CACNA1C: variants seen among roughly 807,000 people sequenced by gnomAD.
The protein encoded by CACNA1C is calcium voltage-gated channel subunit alpha1 C, also known as voltage-dependent L-type calcium channel subunit alpha-1C.
In CACNA1C, 30 loss-of-function variants were observed where a neutral mutation model predicts 229.0. That is an observed-to-expected ratio of 0.13 (90% CI 0.10 to 0.18). The LOEUF is 0.18. Among genes scored for constraint, CACNA1C ranks in the 10% least tolerant of loss-of-function variants. CACNA1C has a pLI of 1.00. For synonymous variants in CACNA1C, 1,114 were observed against 1,132.5 expected, an observed-to-expected ratio of 0.98 and a Z score of 0.33; for missense variants, 1,658 against 2,845.0, an observed-to-expected ratio of 0.58 and a Z score of 9.49.
chr12:2,581,553 G>A, intron 13 of CACNA1C, 37 bp from the exon 14 acceptor site: 2 of 1,516,840 alleles, frequency 1.3e-6, no homozygotes, highest in Non-Finnish European at 1.8e-6. Flanking sequence ...AGGACAGCAA[G>A]GGGCAGAGTG....
chr12:2,495,690 T>C (rs1013396256), intron 7 of CACNA1C, among the ~76,000 whole-genome samples: 8 of 152,206 alleles, frequency 5.3e-5, no homozygotes, highest in African/African-American at 1.9e-4. Flanking sequence ...AGGCTGGGAA[T>C]GGAAACAGTG....
rs996469371 is a variant in CACNA1C, at chr12:2,215,172, G to A, written c.477+94742G>A. Among the ~76,000 whole-genome samples, 4 of 152,236 alleles carry A rather than the reference G, an allele frequency of 2.6e-5. No individual in the cohort carries two copies. Among genetic ancestry groups the A allele is most frequent in the African/African-American group, 9.6e-5 (4 of 41,464 alleles). ...GTTCCCTGGTCACTGAGACATCAGA[G>A]ACATGTCAATCTGAGTCCCTTTGCT... On this transcript the variant is annotated intron_variant, in intron 3 of 46. Transcript: ENST00000399655. The surrounding 1 kb of genome is among the most constrained non-coding windows in gnomAD (Gnocchi z 5.0).
intron 3 of CACNA1C, among the ~76,000 whole-genome samples, chr12:2,251,895 A>G (rs557314877): frequency 6.6e-6 from 1 of 152,314 alleles, no homozygotes; most frequent in East Asian, 1.9e-4. Context: ...CGGTTTCTGC[A>G]TCTGTTAAGA....
chr12:2,058,964 A>G (rs2056373251), intron 1 of CACNA1C, among the ~76,000 whole-genome samples: 1 of 151,180 alleles, frequency 6.6e-6, no homozygotes, highest in Non-Finnish European at 1.5e-5. Context: ...TGGAGCAGGT[A>G]GACAGACCCT....
Position 2,691,375 on chromosome 12 carries a change from G to C in CACNA1C, c.*176G>C. 1.6e-6 allele frequency: 1 copy of C among 624,122 alleles called. No individual in the cohort carries two copies. The highest frequency in any genetic ancestry group is 4.9e-4 in the Middle Eastern group (1 of 2,060). The allele number at this position is 624,122 out of a possible 1,614,324, so 38.7% of individuals were successfully genotyped here. A position where few individuals can be genotyped will look rare whatever the true frequency, so the allele number is the denominator to read the frequency against. Reference sequence around the variant, plus strand: ...GCGAGCCGCCCTCCGGGAGGAAGGCGCCCGGCTGCGTCTGCAGAGGCGGGG... The same window carrying C: ...GCGAGCCGCCCTCCGGGAGGAAGGCCCCCGGCTGCGTCTGCAGAGGCGGGG... On this transcript the variant is annotated 3_prime_UTR_variant, in exon 47 of 47. Transcript: ENST00000399655.
At chr12:2,062,473 G>T (rs2057853801) in intron 1 of CACNA1C, among the ~76,000 whole-genome samples, 1 of 152,220 alleles carries the variant, frequency 6.6e-6, no homozygotes, top group African/African-American at 2.4e-5. Context: ...ATGGAGAACA[G>T]TAGAAAGAGA....
intron 6 of CACNA1C, among the ~76,000 whole-genome samples, chr12:2,487,153 A>G (rs1175352079): frequency 6.6e-6 from 1 of 152,094 alleles, no homozygotes; most frequent in Non-Finnish European, 1.5e-5. Context: ...TGAAAAAATA[A>G]CACCCACCCC....
intron 5 of CACNA1C, among the ~76,000 whole-genome samples, chr12:2,461,330 C>T (rs370672526): frequency 8.5e-5 from 13 of 152,318 alleles, no homozygotes; most frequent in African/African-American, 3.1e-4. Flanking sequence ...TCTTTCTTAG[C>T]TCTGCCCTTC....
chr12:2,314,186 G>A (rs557974464), intron 3 of CACNA1C, among the ~76,000 whole-genome samples: 24 of 152,234 alleles, frequency 1.6e-4, no homozygotes, highest in African/African-American at 5.1e-4. Context: ...TTCTAGGCTG[G>A]GTCCATGCCT....
rs1314307851 is a variant in CACNA1C at position 2,135,591 on chromosome 12, T to TG, written c.477+15167dup. ...GTGAGAGGTGTCAGTCTGCCCCTGC[T>TG]GGGGGGTGCCTCCCAGTTAGGCTGC... On this transcript the variant is annotated intron_variant, in intron 3 of 46. Coordinates refer to ENST00000399655, the MANE Select transcript of CACNA1C (RefSeq NM_000719.7). Among the ~76,000 whole-genome samples, 15 of 135,536 alleles carry TG rather than the reference T, an allele frequency of 1.1e-4. 1 individual carries two copies. Among genetic ancestry groups the TG allele is most frequent in the Non-Finnish European group, 2.0e-4 (13 of 65,928 alleles). 88.9% of individuals were successfully genotyped at this position (135,536 alleles called of 152,430 possible).
At chr12:2,638,933 G>A (rs1303775482) in intron 30 of CACNA1C, among the ~76,000 whole-genome samples, 1 of 152,208 alleles carries the variant, frequency 6.6e-6, no homozygotes, top group African/African-American at 2.4e-5. Flanking sequence ...TTCACAACAA[G>A]ATGGTACCCA....
chr12:2,641,386 C>T, intron 30 of CACNA1C: 1 of 241,730 alleles, frequency 4.1e-6, no homozygotes, highest in Admixed American at 5.5e-5. Flanking sequence ...CTGTTGCCAA[C>T]CATTGTCTAG....
At chr12:2,080,799 G>A (rs1378398703) in intron 1 of CACNA1C, among the ~76,000 whole-genome samples, 12 of 152,138 alleles carry the variant, frequency 7.9e-5, no homozygotes, top group Non-Finnish European at 1.5e-5. Flanking sequence ...CAGTGGATTG[G>A]AAGTTAGATC....
In CACNA1C at chr12:2,218,204, CCT is replaced by C. The variant is rs772238519; in HGVS notation, c.477+97775_477+97776del. ...TTTGCCTCTCCGTAGCCTCTCACTC[CCT>C]GAGATGCAGGGCCCTCAGTGGATGT... On this transcript the variant is annotated intron_variant, in intron 3 of 46. Transcript: ENST00000399655. Among the ~76,000 whole-genome samples the C allele has an allele frequency of 1.8e-3, 273 of 152,306 alleles. 1 individual carries two copies. Among genetic ancestry groups the C allele is most frequent in the Non-Finnish European group, 5.7e-4 (39 of 68,034 alleles).
At position 2,053,091 on chromosome 12, in the gene CACNA1C, C is replaced by A; in HGVS notation, c.-472C>A. On this transcript the variant is annotated 5_prime_UTR_variant, in exon 1 of 47. Transcript: ENST00000399655. The surrounding 1 kb of genome is among the most constrained non-coding windows in gnomAD (Gnocchi z 5.8). ...CGGCGGCTCTTCCTGCCTCCGCGCC[C>A]AGGAGTTGCCGGCTCCCTTTGACAG... is the stretch of plus-strand genomic sequence containing the variant. 1.0e-6 allele frequency: 1 copy of A among 984,598 alleles called. No homozygotes were observed. Among genetic ancestry groups the A allele is most frequent in the Non-Finnish European group, 1.2e-6 (1 of 829,488 alleles). The allele number at this position is 984,598 out of a possible 1,614,324, so 61.0% of individuals were successfully genotyped here.
intron 9 of CACNA1C, among the ~76,000 whole-genome samples, chr12:2,530,429 A>G (rs2099838092): frequency 6.6e-6 from 1 of 152,240 alleles, no homozygotes; most frequent in South Asian, 2.1e-4. Context: ...ACTGGTTCCT[A>G]GAAGTAAAAA....
At chr12:2,484,147 C>T (rs1352087674) in intron 5 of CACNA1C, among the ~76,000 whole-genome samples, 1 of 152,184 alleles carries the variant, frequency 6.6e-6, no homozygotes, top group Non-Finnish European at 1.5e-5. Context: ...AACTGAGGTG[C>T]ACTCTCCAGA....
In CACNA1C at chr12:2,287,296, G is replaced by C. The variant is rs904036056; in HGVS notation, c.478-161680G>C. On this transcript the variant is annotated intron_variant, in intron 3 of 46. Coordinates refer to ENST00000399655, the MANE Select transcript of CACNA1C (RefSeq NM_000719.7). The surrounding 1 kb of genome is among the most constrained non-coding windows in gnomAD (Gnocchi z 4.6). ...GTATTGAGTCATTCCTGCTCGTCTG[G>C]ATTGTGATTGCGACCCGTGCCTCAT... Among the ~76,000 whole-genome samples the C allele has an allele frequency of 2.6e-5, 4 of 152,216 alleles. No homozygotes were observed. The highest frequency in any genetic ancestry group is 9.7e-5 in the African/African-American group (4 of 41,438).
intron 1 of CACNA1C, among the ~76,000 whole-genome samples, chr12:2,093,219 A>G (rs901568263): frequency 3.3e-5 from 5 of 152,220 alleles, no homozygotes; most frequent in African/African-American, 1.2e-4. Context: ...GTGGGTGACT[A>G]TGCAGTGGGG....
Sources: allele counts gnomAD v4.1 joint callset (sites outside exome capture counted in the v4.1 genomes callset), GRCh38; gene constraint gnomAD v4.1.1; non-coding constraint Gnocchi (gnomAD v3.1); transcripts MANE v1.5; gene names NCBI Gene and HGNC (gene_info 2026-07-23, HGNC 2026-07-21).